The following POLK variants were observed in gnomAD, a reference collection of about 807,000 sequenced individuals.
The protein encoded by POLK is polymerase (DNA directed) kappa.
A neutral mutation model predicts 94.0 loss-of-function variants in POLK; 76 were observed. The observed-to-expected ratio is 0.81, with a 90% CI of 0.67 to 0.98. The LOEUF is 0.98. POLK is among the 50% of genes least tolerant of loss of function. POLK has a pLI of 0.00. For missense variants in POLK, 954 were observed against 1,010.1 expected, an observed-to-expected ratio of 0.94 and a Z score of 0.75; for synonymous variants, 349 against 325.4, an observed-to-expected ratio of 1.07 and a Z score of -0.78.
At chr5:75,539,719 A>C (rs530755949) in intron 1 of POLK, among the ~76,000 whole-genome samples, 1 of 152,120 alleles carries the variant, frequency 6.6e-6, no homozygotes, top group Non-Finnish European at 1.5e-5. Context: ...TTGGCTCCCC[A>C]AAGGGCTGGG....
intron 10 of POLK, among the ~76,000 whole-genome samples, chr5:75,588,572 A>G (rs1772592036): frequency 1.3e-5 from 2 of 152,244 alleles, no homozygotes; most frequent in Admixed American, 1.3e-4. Flanking sequence ...AAAAATGTGT[A>G]AACTTTAGAG....
At chr5:75,545,071 G>A (rs564031416) in intron 1 of POLK, among the ~76,000 whole-genome samples, 6 of 152,134 alleles carry the variant, frequency 3.9e-5, no homozygotes, top group Non-Finnish European at 5.9e-5. Flanking sequence ...GAGCTTTGGC[G>A]TCACAGCTCT....
chr5:75,553,868 A>G (rs1204014511), intron 3 of POLK, among the ~76,000 whole-genome samples: 5 of 152,192 alleles, frequency 3.3e-5, no homozygotes, highest in African/African-American at 1.2e-4. Flanking sequence ...TTTAAATAAG[A>G]GCTGCTTTCT....
intron 1 of POLK, among the ~76,000 whole-genome samples, chr5:75,527,198 T>A (rs1468400386): frequency 6.6e-6 from 1 of 152,072 alleles, no homozygotes; most frequent in Non-Finnish European, 1.5e-5. Context: ...ACTTTTTTTT[T>A]ATTCTAGTTG....
chr5:75,571,114 T>A (rs942387168), intron 4 of POLK, among the ~76,000 whole-genome samples: 1 of 152,172 alleles, frequency 6.6e-6, no homozygotes, highest in African/African-American at 2.4e-5. Flanking sequence ...TTTCCTACAA[T>A]TTCTGTCCTC....
intron 3 of POLK, among the ~76,000 whole-genome samples, chr5:75,554,955 G>T (rs868388513): frequency 9.9e-5 from 15 of 152,260 alleles, no homozygotes; most frequent in Middle Eastern, 6.8e-3. Context: ...GAATAGTGCT[G>T]CAGTGAACAA....
At chr5:75,537,617 T>A (rs549900091) in intron 1 of POLK, among the ~76,000 whole-genome samples, 1 of 152,344 alleles carries the variant, frequency 6.6e-6, no homozygotes, top group East Asian at 1.9e-4. Context: ...CATTTTTAGA[T>A]GTTACATTCC....
chr5:75,587,661 C>T (rs10038945), intron 10 of POLK, among the ~76,000 whole-genome samples: 19,584 of 152,104 alleles, frequency 0.13, 1,371 homozygotes, highest in East Asian at 0.23. Context: ...TGGCTCACCC[C>T]TGTAATCCCA....
intron 10 of POLK, among the ~76,000 whole-genome samples, chr5:75,588,446 A>G (rs554001414): frequency 1.0e-3 from 152 of 152,334 alleles, no homozygotes; most frequent in African/African-American, 3.4e-3. Flanking sequence ...TGAAATTACT[A>G]CCATTTTCAT....
chr5:75,549,930 A>G (rs1770251149), intron 2 of POLK, among the ~76,000 whole-genome samples: 2 of 152,198 alleles, frequency 1.3e-5, no homozygotes, highest in Non-Finnish European at 2.9e-5. Context: ...AAATGGACTC[A>G]AGAAGATACA....
intron 1 of POLK, among the ~76,000 whole-genome samples, chr5:75,538,114 C>T (rs969374914): frequency 6.6e-6 from 1 of 152,126 alleles, no homozygotes; most frequent in Non-Finnish European, 1.5e-5. Flanking sequence ...CCTCGGCCTC[C>T]CAAAGTGCTG....
intron 12 of POLK, 39 bp from the exon 13 acceptor site, chr5:75,596,183 T>C (rs1453493216): frequency 8.5e-7 from 1 of 1,177,282 alleles, no homozygotes; most frequent in Non-Finnish European, 1.2e-6. Flanking sequence ...TGAATTGGCT[T>C]TGTTCAATTT....
chr5:75,581,911 C>A (rs533671994), intron 7 of POLK: 15 of 245,630 alleles, frequency 6.1e-5, no homozygotes, highest in Non-Finnish European at 9.8e-5. Context: ...CATATCCTGA[C>A]CTCATGATCC....
intron 3 of POLK, among the ~76,000 whole-genome samples, chr5:75,559,523 GTTTT>G (rs775525619): frequency 0.014 from 764 of 54,618 alleles, 6 homozygotes; most frequent in African/African-American, 0.05. Flanking sequence ...GTTTTGTTTT[GTTTT>G]TTTTTTTTTT....
upstream of POLK, chr5:75,511,658 C>G: frequency 1.3e-6 from 2 of 1,514,664 alleles, no homozygotes; most frequent in Non-Finnish European, 1.8e-6. Flanking sequence ...CTTTCCCCTC[C>G]CCTTCGTCCT....
intron 1 of POLK, among the ~76,000 whole-genome samples, chr5:75,543,105 T>C: frequency 6.6e-6 from 1 of 151,172 alleles, no homozygotes. Context: ...TGCAGTGGTG[T>C]AGTCTTGGCC....
intron 12 of POLK, among the ~76,000 whole-genome samples, chr5:75,595,526 G>A (rs2112890413): frequency 6.6e-6 from 1 of 151,764 alleles, no homozygotes; most frequent in South Asian, 2.1e-4. Context: ...ATGAGATTCT[G>A]GAAAAGGCAA....
intron 1 of POLK, among the ~76,000 whole-genome samples, chr5:75,527,502 TACACACACACACACACACAC>T (rs58797043): frequency 2.3e-5 from 3 of 132,980 alleles, no homozygotes; most frequent in Non-Finnish European, 4.7e-5. Flanking sequence ...AATTTATATA[TACACACACACACACACACAC>T]ACACACACAC....
At chr5:75,607,572 T>C in the POLK span, among the ~76,000 whole-genome samples, 1 of 152,106 alleles carries the variant, frequency 6.6e-6, no homozygotes, top group Non-Finnish European at 1.5e-5. Flanking sequence ...ATTTCTCTGT[T>C]CCATCCTGCT....
Sources: gnomAD v4.1 joint callset for allele counts (sites outside exome capture counted in the v4.1 genomes callset) on GRCh38, gnomAD v4.1.1 for gene constraint, MANE v1.5 for transcripts, NCBI Gene and HGNC (gene_info 2026-07-23, HGNC 2026-07-21) for gene names.